STK39: variants seen among roughly 807,000 people sequenced by gnomAD.
STK39 encodes the protein serine/threonine kinase 39.
A neutral mutation model predicts 77.8 loss-of-function variants in STK39; 20 were observed. The observed-to-expected ratio is 0.26, with a 90% CI of 0.18 to 0.37. The LOEUF is 0.37. Ranked by LOEUF, STK39 falls within the 10% of genes least tolerant of loss-of-function variation. The pLI is 1.00. For synonymous variants in STK39, 246 were observed against 234.1 expected (o/e 1.05, Z -0.47); for missense variants, 479 against 656.5 (o/e 0.73, Z 2.95).
At chr2:168,076,723 A>T (rs562904806) in intron 10 of STK39, among the ~76,000 whole-genome samples, 76 of 152,096 alleles carry the variant, frequency 5.0e-4, no homozygotes, top group Non-Finnish European at 8.4e-4. Context: ...CTACCCCCCA[A>T]ATTTTTCTTT....
rs1263821474 is a variant in STK39, at chr2:167,977,586, AAAAC to A, written c.1499-12864_1499-12861del. Among the ~76,000 whole-genome samples, 7 of 152,238 alleles carry A rather than the reference AAAAC, an allele frequency of 4.6e-5. No individual in the cohort carries two copies. In the East Asian group the frequency reaches 9.6e-4, roughly 21 times the overall value. ...TTACTTGCTTCGGAAAAAAAAAAAA[AAAAC>A]AAAGGGGATTGTTGAGTGGCAGCAA... On this transcript the variant is annotated intron_variant, in intron 16 of 17. Transcript: ENST00000355999.
intron 16 of STK39, among the ~76,000 whole-genome samples, chr2:167,978,154 C>T (rs916971950): frequency 7.2e-5 from 11 of 152,152 alleles, no homozygotes; most frequent in Admixed American, 3.3e-4. Context: ...ATGGTATTCC[C>T]AGGAGCATTT....
intron 14 of STK39, among the ~76,000 whole-genome samples, chr2:168,027,152 A>C (rs1446822034): frequency 6.6e-6 from 1 of 152,270 alleles, no homozygotes; most frequent in East Asian, 1.9e-4. Flanking sequence ...GTGGCTCTAA[A>C]GGTTGAGAAC....
intron 16 of STK39, among the ~76,000 whole-genome samples, chr2:168,009,219 A>G (rs148540084): frequency 4.6e-5 from 7 of 152,332 alleles, no homozygotes; most frequent in Non-Finnish European, 2.9e-5. Context: ...GATAAGAGAA[A>G]TAAAAACATA....
intron 16 of STK39, among the ~76,000 whole-genome samples, chr2:167,996,533 C>G (rs1239326710): frequency 2.0e-5 from 3 of 152,184 alleles, no homozygotes; most frequent in Admixed American, 6.5e-5. Flanking sequence ...GCCCGCCCCC[C>G]AGGCATCACG....
intron 5 of STK39, among the ~76,000 whole-genome samples, chr2:168,152,882 T>G (rs1170807938): frequency 6.6e-6 from 1 of 152,168 alleles, no homozygotes; most frequent in Admixed American, 6.5e-5. Context: ...TACCTGCAGG[T>G]GATCTTTTTT....
At chr2:168,235,194 T>G (rs553047725) in intron 1 of STK39, among the ~76,000 whole-genome samples, 1 of 152,080 alleles carries the variant, frequency 6.6e-6, no homozygotes, top group Non-Finnish European at 1.5e-5. Context: ...TGTGCCACCA[T>G]GCCCAGCTAA....
intron 16 of STK39, among the ~76,000 whole-genome samples, chr2:167,989,373 T>C (rs981443119): frequency 1.3e-5 from 2 of 152,110 alleles, no homozygotes; most frequent in African/African-American, 4.8e-5. Context: ...ATCATGAAAA[T>C]TGTCTTCACT....
At chr2:168,013,620 G>A (rs527968544) in intron 15 of STK39, among the ~76,000 whole-genome samples, 7 of 152,172 alleles carry the variant, frequency 4.6e-5, no homozygotes, top group Admixed American at 6.5e-5. Flanking sequence ...CACTCTAGAC[G>A]GGGGTTTGAC....
intron 10 of STK39, among the ~76,000 whole-genome samples, chr2:168,105,684 A>C (rs1242829860): frequency 1.3e-5 from 2 of 152,260 alleles, no homozygotes; most frequent in Non-Finnish European, 2.9e-5. Flanking sequence ...TGTGTATTTT[A>C]GAAGGATTGC....
intron 1 of STK39, among the ~76,000 whole-genome samples, chr2:168,239,717 A>G (rs1446763726): frequency 6.6e-6 from 1 of 152,254 alleles, no homozygotes; most frequent in Non-Finnish European, 1.5e-5. Flanking sequence ...AATATCTATT[A>G]TGACATGCAG....
chr2:168,082,132 C>T (rs926570037), intron 10 of STK39, among the ~76,000 whole-genome samples: 1 of 152,152 alleles, frequency 6.6e-6, no homozygotes, highest in Non-Finnish European at 1.5e-5. Context: ...AAGACCAATG[C>T]CTCTGGGAGC....
chr2:167,994,515 T>C (rs955245248), intron 16 of STK39, among the ~76,000 whole-genome samples: 4 of 152,220 alleles, frequency 2.6e-5, no homozygotes, highest in African/African-American at 9.6e-5. Flanking sequence ...CAAAATGTTG[T>C]GCAACCACTA....
intron 1 of STK39, among the ~76,000 whole-genome samples, chr2:168,241,945 A>G (rs576016793): frequency 7.9e-5 from 12 of 152,366 alleles, no homozygotes; most frequent in East Asian, 3.9e-4. Context: ...GCAGGACATG[A>G]AACAGGCCAG....
rs200896770 is a variant in STK39, at chr2:168,012,723, T to C, written c.1430-21A>G. 5.0e-6 allele frequency: 8 copies of C among 1,598,360 alleles called. No individual in the cohort carries two copies. The Middle Eastern group carries it at 5.0e-4, about 99-fold the overall frequency. On this transcript the variant is annotated intron_variant, in intron 15 of 17. Transcript: ENST00000355999. Reference sequence around the variant, plus strand: ...TGTATCTGTCCAAATGTGAAATGAATATGTATTAGTAACCATAACATAAAA... The same window carrying C: ...TGTATCTGTCCAAATGTGAAATGAACATGTATTAGTAACCATAACATAAAA...
intron 14 of STK39, among the ~76,000 whole-genome samples, chr2:168,028,082 T>C (rs957370629): frequency 2.0e-5 from 3 of 152,206 alleles, no homozygotes; most frequent in African/African-American, 7.2e-5. Context: ...GTGAAGGGCA[T>C]GGCTGTTTCC....
chr2:168,015,871 T>C (rs1419218710), intron 15 of STK39, among the ~76,000 whole-genome samples: 2 of 152,164 alleles, frequency 1.3e-5, no homozygotes, highest in African/African-American at 4.8e-5. Flanking sequence ...CAACTCTAAA[T>C]TGTCAAAGAT....
intron 16 of STK39, among the ~76,000 whole-genome samples, chr2:168,009,420 G>T (rs1684212670): frequency 6.6e-6 from 1 of 152,130 alleles, no homozygotes; most frequent in South Asian, 2.1e-4. Context: ...TCTCCCAGGG[G>T]ACACAAGAAC....
chr2:168,062,191 C>A (rs975545731), intron 14 of STK39, among the ~76,000 whole-genome samples: 1 of 152,148 alleles, frequency 6.6e-6, no homozygotes, highest in African/African-American at 2.4e-5. Context: ...TAGACTAAAA[C>A]CTTGGTAGTC....
Sources: gnomAD v4.1 joint callset for allele counts (sites outside exome capture counted in the v4.1 genomes callset) on GRCh38, gnomAD v4.1.1 for gene constraint, MANE v1.5 for transcripts, NCBI Gene and HGNC (gene_info 2026-07-23, HGNC 2026-07-21) for gene names.